NPIPB2: variants seen among roughly 807,000 people sequenced by gnomAD.
NPIPB2 encodes the protein nuclear pore complex-interacting protein family member B2.
In NPIPB2, 27 loss-of-function variants were observed where a neutral mutation model predicts 30.8. That is an observed-to-expected ratio of 0.88 (90% CI 0.65 to 1.21). The LOEUF (loss-of-function observed/expected upper bound fraction) is 1.21. Ranked by LOEUF, NPIPB2 falls within the 50% of genes most tolerant of loss-of-function variation. NPIPB2 has a pLI of 0.00. For synonymous variants in NPIPB2, 147 were observed against 162.0 expected, an observed-to-expected ratio of 0.91 and a Z score of 0.70; for missense variants, 440 against 446.2, an observed-to-expected ratio of 0.99 and a Z score of 0.13.
At chr16:11,974,950 C>T (rs1016561867) in intron 1 of NPIPB2, among the ~76,000 whole-genome samples, 4 of 151,480 alleles carry the variant, frequency 2.6e-5, no homozygotes, top group African/African-American at 9.7e-5. Context: ...TGGCAGGAGC[C>T]TGTAGTCCCA....
At chr16:11,966,248 C>G (rs772804388) in intron 1 of NPIPB2, 2 of 1,614,072 alleles carry the variant, frequency 1.2e-6, no homozygotes, top group African/African-American at 1.3e-5. Context: ...CTGTTTGGGA[C>G]TGAGCTTAAT....
In NPIPB2 at chr16:11,937,678, T is replaced by C. The variant is rs2054887111; in HGVS notation, c.64-10A>G. 3.1e-6 allele frequency: 5 copies of C among 1,598,044 alleles called. No homozygotes were observed. The highest frequency in any genetic ancestry group is 4.2e-6 in the Non-Finnish European group (5 of 1,179,058). ...CCAGAGTATTGATAACCTGGAATAA[T>C]AATAGTTGAAATAATGAAAAGGTCA... On this transcript the variant is annotated splice_polypyrimidine_tract_variant and intron_variant, in intron 1 of 7. Transcript: ENST00000399147.
upstream of NPIPB2, among the ~76,000 whole-genome samples, chr16:11,942,390 G>C (rs1162765385): frequency 1.3e-5 from 2 of 149,722 alleles, no homozygotes; most frequent in Non-Finnish European, 3.0e-5. Flanking sequence ...TCAATGATGA[G>C]ATCATAACAT....
chr16:11,972,417 T>C (rs1230119570), intron 1 of NPIPB2, among the ~76,000 whole-genome samples: 1 of 151,304 alleles, frequency 6.6e-6, no homozygotes, highest in East Asian at 2.0e-4. Context: ...CTACAGAAAA[T>C]ACAATAATTA....
chr16:11,957,177 T>C lies in NPIPB2; in HGVS notation c.-583-15063A>G, dbSNP rs146350221. On this transcript the variant is annotated intron_variant, in intron 1 of 5. Coordinates refer to the NPIPB2 transcript ENST00000538896. ...TGTCTAACTTTTTCTTTTTTTTTTTTTTTTTGAGATGGAGTCTCACTCTGT... is the reference window on the plus strand; with the variant it reads ...TGTCTAACTTTTTCTTTTTTTTTTTCTTTTTGAGATGGAGTCTCACTCTGT... Among the ~76,000 whole-genome samples the C allele has an allele frequency of 2.5e-3, 379 of 149,798 alleles. 3 individuals carry two copies. The highest frequency in any genetic ancestry group is 8.9e-3 in the African/African-American group (363 of 40,808).
In NPIPB2 at chr16:11,933,010, C is replaced by T. The variant is rs1279452317; in HGVS notation, c.488+507G>A. 3.3e-5 allele frequency among the ~76,000 whole-genome samples: 5 copies of T among 150,724 alleles called. No homozygotes were observed. The East Asian group carries it at 9.7e-4, about 29-fold the overall frequency. ...CTGTGGTGGCTCATGCCTCTAATCC[C>T]AGCACTTTGGGAGGCTGAGGCAGGT... On this transcript the variant is annotated intron_variant, in intron 4 of 7. Transcript: ENST00000399147.
chr16:11,930,669 A>G, intron 4 of NPIPB2, 118 bp from the exon 5 acceptor site: 2 of 1,016,438 alleles, frequency 2.0e-6, no homozygotes, highest in East Asian at 5.3e-5. Context: ...ACCTTCCCAC[A>G]AATGAACCAA....
At chr16:11,929,059 GA>G in intron 7 of NPIPB2, 180 bp downstream of exon 7, 1 of 26,574 alleles carries the variant, frequency 3.8e-5, no homozygotes, top group South Asian at 2.8e-4. Context: ...ACTGGGTGGG[GA>G]TGAAGGTGTT....
chr16:11,940,489 C>T (rs1032974608), intron 1 of NPIPB2, among the ~76,000 whole-genome samples: 1 of 149,460 alleles, frequency 6.7e-6, no homozygotes, highest in Non-Finnish European at 1.5e-5. Flanking sequence ...GCCTGTAATC[C>T]CAGCACTGGG....
rs192605606 is a variant in NPIPB2 at position 11,965,168 on chromosome 16, C to T, written c.-584+11400G>A. 1.5e-5 allele frequency: 13 copies of T among 866,344 alleles called. No individual in the cohort carries two copies. The East Asian group carries it at 2.7e-4, about 18-fold the overall frequency. 53.7% of individuals were successfully genotyped at this position (866,344 alleles called of 1,614,324 possible). On this transcript the variant is annotated intron_variant, in intron 1 of 5. Coordinates refer to the NPIPB2 transcript ENST00000538896. Reference sequence around the variant, plus strand: ...TTCAAATCCTTAGCTGCCGCGAAGACACAGACAGCCCCCGTAAGAACCCAC... The same window carrying T: ...TTCAAATCCTTAGCTGCCGCGAAGATACAGACAGCCCCCGTAAGAACCCAC...
At chr16:11,933,765 T>C (rs2054825330) in intron 3 of NPIPB2, 53 bp from the exon 4 acceptor site, 2 of 1,595,510 alleles carry the variant, frequency 1.3e-6, no homozygotes, top group East Asian at 4.5e-5. Context: ...CAAGAAGCTG[T>C]TCTTTCCCTT....
intron 1 of NPIPB2, among the ~76,000 whole-genome samples, chr16:11,966,673 C>G (rs1362861876): frequency 3.9e-5 from 6 of 152,140 alleles, no homozygotes; most frequent in Admixed American, 2.0e-4. Flanking sequence ...AAACTCCTAG[C>G]CAGGTCTGCT....
chr16:11,943,202 C>T (rs2054961821), upstream of NPIPB2, among the ~76,000 whole-genome samples: 1 of 152,050 alleles, frequency 6.6e-6, no homozygotes. Flanking sequence ...GCCTGTAGTC[C>T]CACCTACTTG....
At chr16:11,941,469 G>C (rs1274694307) in intron 1 of NPIPB2, among the ~76,000 whole-genome samples, 10 of 149,486 alleles carry the variant, frequency 6.7e-5, no homozygotes, top group East Asian at 2.0e-4. Flanking sequence ...AAGAAGAAAG[G>C]GGTCTGGGAA....
chr16:11,947,559 G>T (rs1441729226), intron 1 of NPIPB2, among the ~76,000 whole-genome samples: 1 of 151,470 alleles, frequency 6.6e-6, no homozygotes. Flanking sequence ...TTAGCCAGGA[G>T]GGTCTCAATC....
intron 1 of NPIPB2, among the ~76,000 whole-genome samples, chr16:11,966,531 A>G (rs1311730915): frequency 6.6e-6 from 1 of 152,178 alleles, no homozygotes. Context: ...ACCTTGGCAG[A>G]TTTTCTACAA....
chr16:11,954,401 C>T (rs895134732), intron 1 of NPIPB2, among the ~76,000 whole-genome samples: 1 of 150,936 alleles, frequency 6.6e-6, no homozygotes, highest in African/African-American at 2.4e-5. Context: ...TCACTTGAAC[C>T]CAGGAGTTTA....
chr16:11,953,227 C>A (rs1006791397), intron 1 of NPIPB2, among the ~76,000 whole-genome samples: 1 of 152,128 alleles, frequency 6.6e-6, no homozygotes, highest in African/African-American at 2.4e-5. Flanking sequence ...CTCACTGCAA[C>A]CTCCGCTTCC....
chr16:11,940,649 A>C (rs1273145248), intron 1 of NPIPB2, among the ~76,000 whole-genome samples: 1 of 143,194 alleles, frequency 7.0e-6, no homozygotes, highest in African/African-American at 2.5e-5. Flanking sequence ...AATCTGAGCT[A>C]TTCAGGAGGC....
Sources: gnomAD v4.1 joint callset for allele counts (sites outside exome capture counted in the v4.1 genomes callset) on GRCh38, gnomAD v4.1.1 for gene constraint, MANE v1.5 for transcripts, NCBI Gene and HGNC (gene_info 2026-07-23, HGNC 2026-07-21) for gene names.